The following GABRA3 variants were observed in gnomAD, a reference collection of about 807,000 sequenced individuals.
GABRA3 encodes gamma-aminobutyric acid receptor subunit alpha-3.
A neutral mutation model predicts 30.1 loss-of-function variants in GABRA3; 10 were observed. The observed-to-expected ratio is 0.33, with a 90% CI of 0.20 to 0.56. The LOEUF (loss-of-function observed/expected upper bound fraction) is 0.56, where lower values mean the gene tolerates loss of function less well. Among genes scored for constraint, GABRA3 ranks in the 20% least tolerant of loss-of-function variants. GABRA3 has a pLI of 0.89. For missense variants in GABRA3, 233 were observed against 392.0 expected (o/e 0.59, Z 3.42); for synonymous variants, 151 against 146.8 (o/e 1.03, Z -0.21).
At chrX:152,262,774 A>G (rs1169537053) in intron 4 of GABRA3, among the ~76,000 whole-genome samples, 1 of 110,968 alleles carries the variant, frequency 9.0e-6, no homozygotes, top group African/African-American at 3.3e-5. Context: ...AACTGTTTCA[A>G]CCTCTGCCTG....
chrX:152,444,011 G>C (rs1041722843), intron 1 of GABRA3, among the ~76,000 whole-genome samples: 1 of 110,733 alleles, frequency 9.0e-6, no homozygotes, highest in African/African-American at 3.3e-5. Context: ...ACATCTGAAA[G>C]GAAATACAGC....
At chrX:152,290,951 G>T (rs189783530) in intron 3 of GABRA3, among the ~76,000 whole-genome samples, 1 of 111,840 alleles carries the variant, frequency 8.9e-6, no homozygotes, top group Non-Finnish European at 1.9e-5. Context: ...GTAGCATGAC[G>T]TCTCCAGCTT....
chrX:152,330,211 A>G (rs781566668), intron 3 of GABRA3, among the ~76,000 whole-genome samples: 54 of 111,954 alleles, frequency 4.8e-4, no homozygotes, highest in African/African-American at 1.7e-3. Context: ...AGGTGTTGGA[A>G]AGGATGTGGA....
chrX:152,218,535 T>C (rs1210492921), intron 6 of GABRA3, among the ~76,000 whole-genome samples: 1 of 111,569 alleles, frequency 9.0e-6, no homozygotes, highest in Admixed American at 9.5e-5. Context: ...AGATGTTCTA[T>C]CCATGTATTG....
intron 7 of GABRA3, among the ~76,000 whole-genome samples, chrX:152,204,520 T>C (rs747132851): frequency 1.1e-4 from 12 of 110,744 alleles, no homozygotes; most frequent in African/African-American, 3.9e-4. Flanking sequence ...GAGAAAATTA[T>C]TTAATCTGTC....
intron 5 of GABRA3, among the ~76,000 whole-genome samples, chrX:152,235,084 G>T (rs1249220678): frequency 2.7e-5 from 3 of 111,576 alleles, no homozygotes; most frequent in Non-Finnish European, 3.8e-5. Context: ...TAACAATTTT[G>T]ACTCTTCCAA....
At chrX:152,212,480 G>A (rs1937643904) in intron 6 of GABRA3, among the ~76,000 whole-genome samples, 1 of 109,921 alleles carries the variant, frequency 9.1e-6, no homozygotes, top group Non-Finnish European at 1.9e-5. Context: ...GTACACACGA[G>A]TTGTGGACAT....
At chrX:152,207,876 T>C in intron 7 of GABRA3, 125 bp downstream of exon 7, 4 of 669,470 alleles carry the variant, frequency 6.0e-6, no homozygotes, top group Non-Finnish European at 8.8e-6. Flanking sequence ...CTCAGTTTTC[T>C]CATGATAATA....
intron 8 of GABRA3, among the ~76,000 whole-genome samples, chrX:152,196,232 CAA>C (rs540657110): frequency 1.4e-3 from 99 of 72,045 alleles, no homozygotes; most frequent in Middle Eastern, 7.2e-3. Flanking sequence ...ACTAAAAATA[CAA>C]AAAAAAAAAA....
chrX:152,307,184 A>G (rs180809816), intron 3 of GABRA3, among the ~76,000 whole-genome samples: 1 of 111,806 alleles, frequency 8.9e-6, no homozygotes, highest in South Asian at 3.7e-4. Flanking sequence ...TGGGGATATC[A>G]ATACCTGACC....
rs868568113 is a variant in GABRA3, at chrX:152,236,110, C to A, written c.552-11265G>T. Among the ~76,000 whole-genome samples the A allele has an allele frequency of 2.2e-3, 201 of 91,741 alleles. 1 individual carries two copies. The highest frequency in any genetic ancestry group is 7.7e-3 in the African/African-American group (193 of 25,110). The allele number at this position is 91,741 out of a possible 115,157, so 79.7% of individuals were successfully genotyped here. On this transcript the variant is annotated intron_variant, in intron 5 of 9. Coordinates refer to ENST00000370314, the MANE Select transcript of GABRA3 (RefSeq NM_000808.4). ...CTGCACCCACTAACTCGTCATCTAG[C>A]ATTAGGTATATCTCCCAATGCTATC...
intron 3 of GABRA3, among the ~76,000 whole-genome samples, chrX:152,313,518 GT>G (rs1939827843): frequency 8.9e-6 from 1 of 111,758 alleles, no homozygotes; most frequent in South Asian, 3.7e-4. Context: ...GATACTAGCT[GT>G]ATGTTCTCTC....
chrX:152,325,410 C>G (rs1256976895), intron 3 of GABRA3, among the ~76,000 whole-genome samples: 2 of 111,596 alleles, frequency 1.8e-5, no homozygotes, highest in Non-Finnish European at 3.8e-5. Flanking sequence ...AAGTGGGTCC[C>G]TGACCCCCGA....
Position 152,178,389 on chromosome X carries a change from C to T in GABRA3, c.1144-9826G>A, listed in dbSNP as rs189547887. On this transcript the variant is annotated intron_variant, in intron 9 of 9. Transcript: ENST00000370314. Reference sequence around the variant, plus strand: ...AAAACTTAACCCATATTGAATGTTACTTACCCAACAAAGAAATACCAAGGG... The same window carrying T: ...AAAACTTAACCCATATTGAATGTTATTTACCCAACAAAGAAATACCAAGGG... 3.1e-3 allele frequency among the ~76,000 whole-genome samples: 342 copies of T among 111,235 alleles called. 2 individuals are homozygous for T. Among genetic ancestry groups the T allele is most frequent in the African/African-American group, 0.011 (328 of 30,608 alleles).
intron 3 of GABRA3, among the ~76,000 whole-genome samples, chrX:152,336,467 G>T (rs1257239795): frequency 8.9e-6 from 1 of 111,898 alleles, no homozygotes; most frequent in Non-Finnish European, 1.9e-5. Flanking sequence ...TCCATACCTT[G>T]CTTGACAATC....
chrX:152,260,770 T>C (rs1374013055), intron 4 of GABRA3, among the ~76,000 whole-genome samples: 1 of 109,870 alleles, frequency 9.1e-6, no homozygotes, highest in Admixed American at 9.7e-5. Flanking sequence ...AAAGGAGGGG[T>C]ACAAACAAGC....
intron 3 of GABRA3, among the ~76,000 whole-genome samples, chrX:152,306,858 G>T (rs977972369): frequency 9.0e-6 from 1 of 111,284 alleles, no homozygotes; most frequent in Non-Finnish European, 1.9e-5. Context: ...CCTCCTCTAA[G>T]TTGATATACA....
chrX:152,241,693 G>T (rs1329039437), intron 5 of GABRA3, among the ~76,000 whole-genome samples: 1 of 109,418 alleles, frequency 9.1e-6, no homozygotes, highest in Non-Finnish European at 1.9e-5. Context: ...CCAGGTGTGG[G>T]ATATAGTCTC....
chrX:152,383,973 CAAAAAA>C (rs34355005), intron 1 of GABRA3, among the ~76,000 whole-genome samples: 2 of 73,232 alleles, frequency 2.7e-5, no homozygotes, highest in Non-Finnish European at 5.1e-5. Context: ...GACTCCACCA[CAAAAAA>C]AAAAAAAAAA....
Sources: gnomAD v4.1 joint callset for allele counts (sites outside exome capture counted in the v4.1 genomes callset) on GRCh38, gnomAD v4.1.1 for gene constraint, MANE v1.5 for transcripts, NCBI Gene and HGNC (gene_info 2026-07-23, HGNC 2026-07-21) for gene names.